The following HERC3 variants were observed in gnomAD, a reference collection of about 807,000 sequenced individuals.
The protein encoded by HERC3 is probable E3 ubiquitin-protein ligase HERC3.
HERC3 carries 58 observed loss-of-function variants against 129.9 expected under a neutral mutation model. The observed-to-expected ratio is 0.45, with a 90% CI of 0.36 to 0.56. The LOEUF is 0.56. HERC3 is among the 20% of genes least tolerant of loss of function. HERC3 has a pLI of 0.00. For synonymous variants in HERC3, 430 were observed against 451.0 expected (o/e 0.95, Z 0.59); for missense variants, 835 against 1,244.2 (o/e 0.67, Z 4.95).
the HERC3 span, among the ~76,000 whole-genome samples, chr4:88,532,803 A>G: frequency 2.6e-5 from 4 of 152,326 alleles, 1 homozygote; most frequent in South Asian, 8.3e-4. Flanking sequence ...TAGGAAAACA[A>G]TGTGGGGAAT....
rs869126362 is a variant in HERC3, at chr4:88,654,349, CATATATATATATAT to C, written c.777+242_777+255del. Among the ~76,000 whole-genome samples the C allele has an allele frequency of 1.0e-3, 71 of 70,944 alleles. 1 individual carries two copies. Among genetic ancestry groups the C allele is most frequent in the African/African-American group, 3.5e-3 (60 of 17,326 alleles). 46.5% of individuals were successfully genotyped at this position (70,944 alleles called of 152,430 possible). A position where few individuals can be genotyped will look rare whatever the true frequency, so the allele number is the denominator to read the frequency against. The stretch of plus-strand genomic sequence containing the variant: ...CTCTTTGGTAATCTTGTAGATTTTT[CATATATATATATAT>C]ATATATATATATATATATATATATA... On this transcript the variant is annotated intron_variant, in intron 7 of 25. Transcript: ENST00000402738.
chr4:88,652,098 C>T lies in HERC3; in HGVS notation c.463+10C>T. Reference sequence around the variant, plus strand: ...TTGGCTCTTGCGGCTGGTAAAGTAACATTAAACATATGCTAATGCTATGTT... The same window carrying T: ...TTGGCTCTTGCGGCTGGTAAAGTAATATTAAACATATGCTAATGCTATGTT... On this transcript the variant is annotated intron_variant, in intron 5 of 25. Transcript: ENST00000402738. 6.4e-7 allele frequency: 1 copy of T among 1,573,192 alleles called. No homozygotes were observed. The highest frequency in any genetic ancestry group is 8.7e-7 in the Non-Finnish European group (1 of 1,142,858).
chr4:88,638,117 A>G (rs967367164), intron 3 of HERC3, among the ~76,000 whole-genome samples: 2 of 152,246 alleles, frequency 1.3e-5, no homozygotes, highest in Non-Finnish European at 2.9e-5. Flanking sequence ...CTAACTAAAC[A>G]AAGTCCAAGA....
At chr4:88,536,314 T>C in the HERC3 span, among the ~76,000 whole-genome samples, 1 of 152,204 alleles carries the variant, frequency 6.6e-6, no homozygotes, top group East Asian at 1.9e-4. Context: ...CCATTGTCCC[T>C]CTAAACCACT....
intron 3 of HERC3, 23 bp downstream of exon 3, chr4:88,606,072 G>T: frequency 1.3e-6 from 2 of 1,576,564 alleles, no homozygotes; most frequent in South Asian, 1.1e-5. Flanking sequence ...TATCTGTCTT[G>T]ATTATTGGTG....
intron 25 of HERC3, among the ~76,000 whole-genome samples, chr4:88,705,357 A>G (rs911052777): frequency 2.6e-5 from 4 of 152,212 alleles, no homozygotes; most frequent in Non-Finnish European, 4.4e-5. Context: ...TTTATATACC[A>G]TACTCATTTA....
chr4:88,600,785 A>G (rs1020077841), intron 2 of HERC3, among the ~76,000 whole-genome samples: 1 of 152,194 alleles, frequency 6.6e-6, no homozygotes, highest in Admixed American at 6.5e-5. Context: ...AGCCAACACT[A>G]TAACTCATGC....
In HERC3 at chr4:88,640,524, T is replaced by C. The variant is rs184937265; in HGVS notation, c.227-9316T>C. ...TCACTCATAAGTGGGAGTTGAACAA[T>C]GAGAACACATGGACACAGGCAGGGG... On this transcript the variant is annotated intron_variant, in intron 3 of 25. Transcript: ENST00000402738. Among the ~76,000 whole-genome samples, 288 of 152,168 alleles carry C rather than the reference T, an allele frequency of 1.9e-3. 1 individual carries two copies. Among genetic ancestry groups the C allele is most frequent in the Non-Finnish European group, 2.9e-3 (199 of 68,014 alleles).
intron 2 of HERC3, 121 bp from the exon 3 acceptor site, chr4:88,605,673 TG>T (rs1218600113): frequency 1.2e-5 from 7 of 575,270 alleles, no homozygotes; most frequent in Non-Finnish European, 2.2e-5. Flanking sequence ...TATTTTGAGT[TG>T]TAAGATATCT....
At chr4:88,693,526 T>C in intron 23 of HERC3, 1 of 967,472 alleles carries the variant, frequency 1.0e-6, no homozygotes, top group South Asian at 4.8e-5. Context: ...ACCTCTAAAA[T>C]ATTTGTTTAA....
Position 88,670,152 on chromosome 4 carries a change from T to C in HERC3, c.1811T>C (p.Val604Ala). The C allele has an allele frequency of 6.2e-7, 1 of 1,612,724 alleles. No homozygotes were observed. The highest frequency in any genetic ancestry group is 8.5e-7 in the Non-Finnish European group (1 of 1,178,860). ...GTTCTTCATTAGGTAAATCTTAAAGTGAAGCATGTGGAATATGATACATTT... is the reference window on the plus strand; with the variant it reads ...GTTCTTCATTAGGTAAATCTTAAAGCGAAGCATGTGGAATATGATACATTT... ...LEKLYKVNLKVKHVEYDTFYI... is the reference protein window; with the variant it reads ...LEKLYKVNLKAKHVEYDTFYI... The change falls in exon 16 of 26, where the codon GTG becomes GCG. Residue 604 changes from valine (V) to alanine (A), a missense_variant. By Grantham distance (64) the Val-to-Ala change is moderately conservative (BLOSUM62 0). Coordinates refer to ENST00000402738, the MANE Select transcript of HERC3 (RefSeq NM_014606.3).
intron 23 of HERC3, chr4:88,697,346 C>G (rs1286822230): frequency 1.2e-6 from 2 of 1,613,848 alleles, no homozygotes; most frequent in Non-Finnish European, 1.7e-6. Context: ...TCCTCCTCCT[C>G]CCCCTCCAAG....
At chr4:88,662,072 G>A in intron 10 of HERC3, among the ~76,000 whole-genome samples, 1 of 152,172 alleles carries the variant, frequency 6.6e-6, no homozygotes, top group South Asian at 2.1e-4. Flanking sequence ...CGCAGAGGGA[G>A]GGGTTGAAAT....
At chr4:88,578,519 T>C in the HERC3 span, among the ~76,000 whole-genome samples, 1 of 150,766 alleles carries the variant, frequency 6.6e-6, no homozygotes, top group East Asian at 1.9e-4. Flanking sequence ...GGGGTGGAGG[T>C]TGCAGTGAGC....
Position 88,655,472 on chromosome 4 carries a change from G to A in HERC3, c.908+168G>A, listed in dbSNP as rs1729784327. ...GAAAGACCTTGATAGAGTGTGGCAA[G>A]GAAGGGTTTTAGATAAGCAGAGCAA... On this transcript the variant is annotated intron_variant, in intron 8 of 25. Coordinates refer to ENST00000402738, the MANE Select transcript of HERC3 (RefSeq NM_014606.3). Among the ~76,000 whole-genome samples the A allele has an allele frequency of 2.6e-5, 4 of 152,206 alleles. No homozygotes were observed. In the South Asian group the frequency reaches 6.2e-4, roughly 24 times the overall value.
At chr4:88,678,842 G>T (rs1732444753) in intron 19 of HERC3, among the ~76,000 whole-genome samples, 1 of 152,156 alleles carries the variant, frequency 6.6e-6, no homozygotes, top group South Asian at 2.1e-4. Flanking sequence ...TTCCTAATAA[G>T]TAGCATCAGT....
At chr4:88,621,220 C>T (rs965052357) in intron 3 of HERC3, among the ~76,000 whole-genome samples, 3 of 152,156 alleles carry the variant, frequency 2.0e-5, no homozygotes, top group African/African-American at 7.2e-5. Flanking sequence ...GATTCTCCTG[C>T]CTCAGCCTCC....
At chr4:88,685,289 T>C (rs531562635) in intron 21 of HERC3, among the ~76,000 whole-genome samples, 3 of 152,308 alleles carry the variant, frequency 2.0e-5, no homozygotes, top group East Asian at 3.9e-4. Flanking sequence ...TAAAGACACA[T>C]GCACACACGT....
rs1732168552 is a variant in HERC3, at chr4:88,676,426, A to G, written c.2025+3A>G. The G allele has an allele frequency of 3.8e-6, 6 of 1,584,506 alleles. No individual in the cohort carries two copies. Among genetic ancestry groups the G allele is most frequent in the South Asian group, 1.1e-5 (1 of 89,690 alleles). ...CAGATGCTGAACTACAGATGCAGGTATCATATTTTAGAAATTATTTCTTCT... is the reference window on the plus strand; with the variant it reads ...CAGATGCTGAACTACAGATGCAGGTGTCATATTTTAGAAATTATTTCTTCT... On this transcript the variant is annotated splice_donor_region_variant and intron_variant, in intron 18 of 25. Coordinates refer to ENST00000402738, the MANE Select transcript of HERC3 (RefSeq NM_014606.3).
Sources: allele counts gnomAD v4.1 joint callset (sites outside exome capture counted in the v4.1 genomes callset), GRCh38; gene constraint gnomAD v4.1.1; transcripts MANE v1.5; gene names NCBI Gene and HGNC (gene_info 2026-07-23, HGNC 2026-07-21).